The following CENPP variants were observed in gnomAD, a reference collection of about 807,000 sequenced individuals.
CENPP encodes centromere protein P.
In CENPP, 24 loss-of-function variants were observed where a neutral mutation model predicts 35.6. The ratio of observed to expected loss-of-function variants is 0.67; its 90% CI spans 0.49 to 0.95. The LOEUF is 0.95. Among genes scored for constraint, CENPP ranks in the 40% least tolerant of loss-of-function variants. The pLI is 0.00. For synonymous variants in CENPP, 120 were observed against 125.5 expected (o/e 0.96, Z 0.29); for missense variants, 332 against 345.3 (o/e 0.96, Z 0.31).
At position 92,412,135 on chromosome 9, in the gene CENPP, G is replaced by A. The variant is rs560049773; in HGVS notation, c.564+32276G>A. ...CGGGGTCTCACTCTATTGCCAGGGT[G>A]GAGTGCAGAAGCATGATCATGGCTC... is the stretch of plus-strand genomic sequence containing the variant. On this transcript the variant is annotated intron_variant, in intron 5 of 7. Transcript: ENST00000375587. Among the ~76,000 whole-genome samples the A allele has an allele frequency of 6.6e-5, 10 of 152,086 alleles. No homozygotes were observed. In the South Asian group the frequency reaches 2.1e-3, roughly 32 times the overall value.
chr9:92,385,543 CT>C (rs902333832), intron 5 of CENPP: 9 of 1,262,578 alleles, frequency 7.1e-6, no homozygotes, highest in Non-Finnish European at 1.0e-5. Context: ...TAAACCAATA[CT>C]TAAGTTCCTT....
intron 3 of CENPP, among the ~76,000 whole-genome samples, chr9:92,340,818 G>A (rs887530162): frequency 1.2e-4 from 18 of 152,094 alleles, no homozygotes; most frequent in African/African-American, 4.1e-4. Flanking sequence ...TGCACAAATT[G>A]TACAGCATGT....
intron 5 of CENPP, among the ~76,000 whole-genome samples, chr9:92,568,062 T>C (rs550209492): frequency 6.1e-4 from 93 of 152,206 alleles, no homozygotes; most frequent in African/African-American, 2.1e-3. Context: ...ATTAGCAGAA[T>C]GTATTTTTCT....
intron 5 of CENPP, chr9:92,386,373 A>T: frequency 1.2e-6 from 1 of 835,456 alleles, no homozygotes; most frequent in South Asian, 1.4e-5. Flanking sequence ...ATATATGTGC[A>T]TATGAGTATA....
At chr9:92,585,239 A>C (rs926910403) in intron 5 of CENPP, among the ~76,000 whole-genome samples, 3 of 152,216 alleles carry the variant, frequency 2.0e-5, no homozygotes, top group African/African-American at 7.2e-5. Context: ...TGAGTACCAC[A>C]TTTTAGAAAT....
intron 5 of CENPP, among the ~76,000 whole-genome samples, chr9:92,449,314 G>A (rs1348392604): frequency 1.3e-5 from 2 of 151,262 alleles, no homozygotes; most frequent in African/African-American, 4.8e-5. Context: ...GGTGGCGGGC[G>A]CCTGTAGTCC....
At chr9:92,565,577 A>G (rs1388205524) in intron 5 of CENPP, among the ~76,000 whole-genome samples, 2 of 152,190 alleles carry the variant, frequency 1.3e-5, no homozygotes, top group African/African-American at 4.8e-5. Flanking sequence ...CTATCCTTCA[A>G]ATATCAGAGA....
chr9:92,541,172 T>A (rs1284722875), intron 5 of CENPP, among the ~76,000 whole-genome samples: 1 of 151,738 alleles, frequency 6.6e-6, no homozygotes, highest in Non-Finnish European at 1.5e-5. Flanking sequence ...GGCAGGACAA[T>A]CACTTGAACC....
chr9:92,374,592 A>G (rs1434879269), intron 4 of CENPP, among the ~76,000 whole-genome samples: 2 of 151,768 alleles, frequency 1.3e-5, no homozygotes, highest in African/African-American at 4.8e-5. Context: ...ATTTGCAAAA[A>G]CTCTGCTTCT....
intron 5 of CENPP, among the ~76,000 whole-genome samples, chr9:92,427,681 T>C (rs1844003447): frequency 6.6e-6 from 1 of 151,572 alleles, no homozygotes; most frequent in South Asian, 2.1e-4. Context: ...GGGTTTTCCA[T>C]GTTGGTCAGG....
chr9:92,509,900 T>G (rs1442133211), intron 5 of CENPP: 3 of 1,603,212 alleles, frequency 1.9e-6, no homozygotes, highest in Non-Finnish European at 1.7e-6. Context: ...ATTAAATACC[T>G]GATAAACTTT....
intron 5 of CENPP, among the ~76,000 whole-genome samples, chr9:92,542,070 G>A (rs1849330969): frequency 1.3e-5 from 2 of 152,188 alleles, no homozygotes; most frequent in Middle Eastern, 3.2e-3. Flanking sequence ...GGGATTATAG[G>A]CGTGAGCCAC....
At chr9:92,503,820 C>G (rs1020390434) in intron 5 of CENPP, among the ~76,000 whole-genome samples, 1 of 152,190 alleles carries the variant, frequency 6.6e-6, no homozygotes, top group Non-Finnish European at 1.5e-5. Flanking sequence ...CAGTAAGAGA[C>G]TAGTCAAATA....
At chr9:92,528,607 T>C (rs1848559126) in intron 5 of CENPP, among the ~76,000 whole-genome samples, 1 of 151,744 alleles carries the variant, frequency 6.6e-6, no homozygotes, top group South Asian at 2.1e-4. Context: ...CAGGAAGAGT[T>C]TGTGTTCCAC....
intron 4 of CENPP, among the ~76,000 whole-genome samples, chr9:92,359,099 G>A (rs1006583006): frequency 1.3e-5 from 2 of 151,740 alleles, no homozygotes; most frequent in Non-Finnish European, 2.9e-5. Flanking sequence ...AAAGGCATGT[G>A]CCACCACACC....
intron 5 of CENPP, chr9:92,500,939 G>T (rs763992107): frequency 6.2e-7 from 1 of 1,614,198 alleles, no homozygotes; most frequent in South Asian, 1.1e-5. Flanking sequence ...CAAACACATA[G>T]CCAGGGATCC....
chr9:92,332,240 C>G lies in CENPP; in HGVS notation c.178C>G (p.Leu60Val), dbSNP rs368292323. The G allele has an allele frequency of 8.7e-6, 14 of 1,612,592 alleles. No individual in the cohort carries two copies. The highest frequency in any genetic ancestry group is 1.2e-5 in the Non-Finnish European group (14 of 1,179,238). ...GTCTTCAAAAGATCTGAAAAATCAG[C>G]TTGGACATTTAGAATCAGAACTTTC... is the stretch of plus-strand genomic sequence containing the variant. Reference protein sequence around the residue: ...WKSSKDLKNQLGHLESELSFL... With the variant: ...WKSSKDLKNQVGHLESELSFL... The change falls in exon 2 of 8, where the codon CTT becomes GTT. Residue 60 changes from leucine (L) to valine (V), a missense_variant. Physicochemically the swap from Leu to Val is conservative, Grantham distance 32. Coordinates refer to ENST00000375587, the MANE Select transcript of CENPP (RefSeq NM_001012267.3).
At chr9:92,451,960 CT>C (rs1844723469) in intron 5 of CENPP, among the ~76,000 whole-genome samples, 1 of 151,668 alleles carries the variant, frequency 6.6e-6, no homozygotes, top group South Asian at 2.1e-4. Context: ...TATCCTGAGA[CT>C]TTGCTGAAGT....
rs1233519155 is a variant in CENPP, at chr9:92,565,243, C to T, written c.565-46071C>T. On this transcript the variant is annotated intron_variant, in intron 5 of 7. Transcript: ENST00000375587. Reference sequence around the variant, plus strand: ...TCCCTGAGTCACATTGGAAGAAGAACTGTCTTGGGCCACACATAAAATACA... The same window carrying T: ...TCCCTGAGTCACATTGGAAGAAGAATTGTCTTGGGCCACACATAAAATACA... Among the ~76,000 whole-genome samples, 3 of 118,764 alleles carry T rather than the reference C, an allele frequency of 2.5e-5. No individual in the cohort carries two copies. The East Asian group carries it at 8.6e-4, about 34-fold the overall frequency. 77.9% of individuals were successfully genotyped at this position (118,764 alleles called of 152,430 possible).
Sources: gnomAD v4.1 joint callset for allele counts (sites outside exome capture counted in the v4.1 genomes callset) on GRCh38, gnomAD v4.1.1 for gene constraint, MANE v1.5 for transcripts, NCBI Gene and HGNC (gene_info 2026-07-23, HGNC 2026-07-21) for gene names.